Variants in OR1F1 observed in about 807,000 individuals in gnomAD.
OR1F1 encodes olfactory receptor 1F1.
For missense variants in OR1F1, 493 were observed against 376.3 expected (o/e 1.31, Z -2.57); for synonymous variants, 184 against 156.7 (o/e 1.17, Z -1.30).
chr16:3,188,286 C>G, the OR1F1 span: 1 of 151,866 alleles, frequency 6.6e-6, no homozygotes, highest in Non-Finnish European at 1.5e-5. Flanking sequence ...GGGACGCAGA[C>G]GGACGGGCCT....
chr16:3,192,051 G>T, the OR1F1 span, among the ~76,000 whole-genome samples: 5 of 152,050 alleles, frequency 3.3e-5, no homozygotes, highest in African/African-American at 1.2e-4. Flanking sequence ...TTCAAATCCC[G>T]GACGAGCCCC....
At chr16:3,196,978 G>C in the OR1F1 span, among the ~76,000 whole-genome samples, 1 of 152,088 alleles carries the variant, frequency 6.6e-6, no homozygotes. Flanking sequence ...CCGGCTTCAA[G>C]TGATTCTCCT....
chr16:3,190,329 G>A, the OR1F1 span, among the ~76,000 whole-genome samples: 3 of 152,322 alleles, frequency 2.0e-5, no homozygotes, highest in South Asian at 6.2e-4. Context: ...CGCCCACCAG[G>A]ACTGGGGCCT....
chr16:3,197,548 C>T, the OR1F1 span, among the ~76,000 whole-genome samples: 1 of 130,460 alleles, frequency 7.7e-6, no homozygotes, highest in Non-Finnish European at 1.6e-5. Context: ...TCAGACAGCG[C>T]AGTCCTACAT....
chr16:3,190,817 C>T, the OR1F1 span, among the ~76,000 whole-genome samples: 26 of 147,830 alleles, frequency 1.8e-4, no homozygotes, highest in African/African-American at 6.5e-4. Context: ...CAGTAGGCAA[C>T]AGAAACAAAA....
upstream of OR1F1, among the ~76,000 whole-genome samples, chr16:3,203,991 T>G (rs1309319172): frequency 2.0e-5 from 3 of 152,178 alleles, no homozygotes; most frequent in Non-Finnish European, 2.9e-5. Context: ...TGCCCAGACC[T>G]CTGGGTTGTT....
At chr16:3,193,937 T>C in the OR1F1 span, among the ~76,000 whole-genome samples, 2 of 152,142 alleles carry the variant, frequency 1.3e-5, no homozygotes, top group African/African-American at 4.8e-5. Flanking sequence ...GCCTGATGGA[T>C]AAGGTACTGG....
chr16:3,195,871 C>T, the OR1F1 span, among the ~76,000 whole-genome samples: 56 of 152,276 alleles, frequency 3.7e-4, 1 homozygote, highest in Admixed American at 1.4e-3. Flanking sequence ...CATCTGGGCA[C>T]ACCTTGGGAC....
At chr16:3,192,459 G>C in the OR1F1 span, among the ~76,000 whole-genome samples, 1 of 152,198 alleles carries the variant, frequency 6.6e-6, no homozygotes, top group Non-Finnish European at 1.5e-5. Flanking sequence ...AAAGTTACTG[G>C]GGGAATTTAG....
downstream of OR1F1, among the ~76,000 whole-genome samples, chr16:3,206,100 C>G (rs1278065373): frequency 6.6e-6 from 1 of 152,174 alleles, no homozygotes; most frequent in African/African-American, 2.4e-5. Flanking sequence ...GAGGAATGCA[C>G]TCCTCGGGGG....
At chr16:3,197,047 AT>A in the OR1F1 span, among the ~76,000 whole-genome samples, 1 of 150,948 alleles carries the variant, frequency 6.6e-6, no homozygotes, top group East Asian at 2.0e-4. Flanking sequence ...TAATTTTTGT[AT>A]TTTTTTCAGT....
the OR1F1 span, among the ~76,000 whole-genome samples, chr16:3,193,208 G>T: frequency 6.6e-6 from 1 of 152,212 alleles, no homozygotes; most frequent in African/African-American, 2.4e-5. Context: ...TTACTGGCGC[G>T]AGCCTCCACG....
the OR1F1 span, among the ~76,000 whole-genome samples, chr16:3,196,909 C>G: frequency 7.2e-6 from 1 of 138,926 alleles, no homozygotes; most frequent in African/African-American, 3.4e-5. Context: ...CAGAGTCTCA[C>G]TCTGTTGACC....
chr16:3,199,407 C>T (rs1958110865), upstream of OR1F1, among the ~76,000 whole-genome samples: 1 of 152,058 alleles, frequency 6.6e-6, no homozygotes, highest in Non-Finnish European at 1.5e-5. Flanking sequence ...TTTCAGGAGG[C>T]TGAGGTAAGA....
chr16:3,203,081 T>G (rs1424135744), upstream of OR1F1, among the ~76,000 whole-genome samples: 1 of 152,232 alleles, frequency 6.6e-6, no homozygotes, highest in African/African-American at 2.4e-5. Flanking sequence ...TGCCAATGAT[T>G]ACCCCTTAGA....
chr16:3,194,513 C>T, the OR1F1 span, among the ~76,000 whole-genome samples: 1 of 152,016 alleles, frequency 6.6e-6, no homozygotes, highest in Non-Finnish European at 1.5e-5. Context: ...TCAATCTATC[C>T]TGGTTGACTT....
the OR1F1 span, among the ~76,000 whole-genome samples, chr16:3,197,175 A>ATTT: frequency 7.3e-5 from 10 of 136,106 alleles, no homozygotes; most frequent in African/African-American, 2.6e-4. Flanking sequence ...CACACCTGGC[A>ATTT]TTTTTTTTTT....
chr16:3,200,550 A>G (rs1958124775), upstream of OR1F1, among the ~76,000 whole-genome samples: 1 of 152,236 alleles, frequency 6.6e-6, no homozygotes, highest in Non-Finnish European at 1.5e-5. Flanking sequence ...GTGAGCCAAG[A>G]TTGCGCCACT....
the OR1F1 span, among the ~76,000 whole-genome samples, chr16:3,193,324 C>T: frequency 7.2e-5 from 11 of 152,238 alleles, no homozygotes; most frequent in Non-Finnish European, 1.6e-4. Context: ...CTCAGCGCTT[C>T]ACCGACGCAC....
Sources: allele counts gnomAD v4.1 joint callset (sites outside exome capture counted in the v4.1 genomes callset), GRCh38; gene constraint gnomAD v4.1.1; transcripts MANE v1.5; gene names NCBI Gene and HGNC (gene_info 2026-07-23, HGNC 2026-07-21).